The following PEX5L variants were observed in gnomAD, a reference collection of about 807,000 sequenced individuals.
PEX5L encodes the protein peroxisomal biogenesis factor 5 like.
A neutral mutation model predicts 84.0 loss-of-function variants in PEX5L; 30 were observed. That is an observed-to-expected ratio of 0.36 (90% confidence interval 0.27 to 0.48). The LOEUF is 0.48. Among genes scored for constraint, PEX5L ranks in the 20% least tolerant of loss-of-function variants. The pLI is 0.99. For synonymous variants in PEX5L, 270 were observed against 283.1 expected, an observed-to-expected ratio of 0.95 and a Z score of 0.46; for missense variants, 533 against 754.6, an observed-to-expected ratio of 0.71 and a Z score of 3.44.
chr3:179,961,130 G>C (rs551108617), intron 2 of PEX5L, among the ~76,000 whole-genome samples: 3 of 152,006 alleles, frequency 2.0e-5, no homozygotes, highest in African/African-American at 7.2e-5. Context: ...TTTCAAGAAT[G>C]AGATCATTTG....
At chr3:180,035,292 T>C (rs754907023) in intron 1 of PEX5L, among the ~76,000 whole-genome samples, 3 of 152,202 alleles carry the variant, frequency 2.0e-5, no homozygotes, top group Admixed American at 6.5e-5. Context: ...CTATGTTACT[T>C]AACTTTTCAA....
intron 4 of PEX5L, among the ~76,000 whole-genome samples, chr3:179,880,665 G>A (rs1448428882): frequency 6.6e-6 from 1 of 152,184 alleles, no homozygotes; most frequent in African/African-American, 2.4e-5. Context: ...ATCCATAGTT[G>A]ATGAATAGGT....
At chr3:180,027,619 G>A (rs1161135406) in intron 1 of PEX5L, among the ~76,000 whole-genome samples, 1 of 152,098 alleles carries the variant, frequency 6.6e-6, no homozygotes, top group Non-Finnish European at 1.5e-5. Flanking sequence ...CATAGCCACA[G>A]TATAGTCATC....
chr3:179,997,128 G>A (rs900429452), intron 1 of PEX5L, among the ~76,000 whole-genome samples: 2 of 152,140 alleles, frequency 1.3e-5, no homozygotes, highest in African/African-American at 4.8e-5. Flanking sequence ...AACAATTTAT[G>A]CTGTTAATCT....
intron 3 of PEX5L, among the ~76,000 whole-genome samples, chr3:179,894,543 T>A (rs927218899): frequency 6.6e-6 from 1 of 152,054 alleles, no homozygotes; most frequent in Non-Finnish European, 1.5e-5. Flanking sequence ...AATGAACAGA[T>A]CACAGCTTGG....
At chr3:179,955,540 T>C (rs7619212) in intron 2 of PEX5L, among the ~76,000 whole-genome samples, 105,784 of 147,430 alleles carry the variant, frequency 0.72, 38,598 homozygotes, top group East Asian at 0.89. Context: ...ATCTGGGAAG[T>C]GTTTTTCTAG....
chr3:179,866,003 C>T (rs67980618), intron 7 of PEX5L, among the ~76,000 whole-genome samples: 13,449 of 152,192 alleles, frequency 0.088, 862 homozygotes, highest in Non-Finnish European at 0.14. Context: ...CTCCTGGAAA[C>T]ATCTTGGGTT....
rs564149164 is a variant in PEX5L, at chr3:180,015,268, T to A, written c.21+21311A>T. On this transcript the variant is annotated intron_variant, in intron 1 of 14. Coordinates refer to ENST00000467460, the MANE Select transcript of PEX5L (RefSeq NM_016559.3). ...TGATGAATGTTTAAAACACATTTTT[T>A]AAATAATATTGTATACAAGGGAGTT... Among the ~76,000 whole-genome samples, 25 of 152,326 alleles carry A rather than the reference T, an allele frequency of 1.6e-4. 1 individual carries two copies. Among genetic ancestry groups the A allele is most frequent in the East Asian group, 9.6e-4 (5 of 5,186 alleles).
intron 2 of PEX5L, among the ~76,000 whole-genome samples, chr3:179,922,351 T>C (rs1001313159): frequency 1.4e-4 from 21 of 152,154 alleles, no homozygotes; most frequent in African/African-American, 4.6e-4. Flanking sequence ...CAGCAGGATG[T>C]AAGATAAACA....
chr3:179,850,303 T>C (rs1357103022), intron 8 of PEX5L, among the ~76,000 whole-genome samples: 1 of 152,058 alleles, frequency 6.6e-6, no homozygotes, highest in Non-Finnish European at 1.5e-5. Context: ...ATTTTTGTAC[T>C]TTTAGTAGAG....
chr3:179,816,036 C>T, intron 9 of PEX5L, 32 bp from the exon 10 acceptor site: 2 of 1,603,736 alleles, frequency 1.2e-6, no homozygotes, highest in Non-Finnish European at 1.7e-6. Flanking sequence ...GTGCATGAGC[C>T]ATTGATTTCT....
Position 179,800,449 on chromosome 3 carries a change from T to G in PEX5L, c.*1379A>C, listed in dbSNP as rs914103068. The G allele has an allele frequency of 6.6e-6, 1 of 152,220 alleles. No homozygotes were observed. The highest frequency in any genetic ancestry group is 2.4e-5 in the African/African-American group (1 of 41,434). The allele number at this position is 152,220 out of a possible 1,614,324, so 9.4% of individuals were successfully genotyped here. A position where few individuals can be genotyped will look rare whatever the true frequency, so the allele number is the denominator to read the frequency against. On this transcript the variant is annotated 3_prime_UTR_variant, in exon 15 of 15. Coordinates refer to ENST00000467460, the MANE Select transcript of PEX5L (RefSeq NM_016559.3). ...TGACATTGGGAAAATTATATTCTGA[T>G]TAGCATTTTGCAAAAAATGTTCCTA...
intron 7 of PEX5L, among the ~76,000 whole-genome samples, chr3:179,867,598 A>G (rs1363667652): frequency 5.3e-5 from 8 of 152,190 alleles, no homozygotes; most frequent in Admixed American, 3.9e-4. Context: ...AATTATTAAT[A>G]TTGATAGTGT....
chr3:179,838,615 G>A (rs1735885396), intron 8 of PEX5L, among the ~76,000 whole-genome samples: 1 of 152,084 alleles, frequency 6.6e-6, no homozygotes, highest in South Asian at 2.1e-4. Context: ...GCAAGACTTG[G>A]GTTTGCATCT....
At chr3:179,840,183 G>GTGTT (rs542803963) in intron 8 of PEX5L, among the ~76,000 whole-genome samples, 10 of 78,720 alleles carry the variant, frequency 1.3e-4, no homozygotes, top group African/African-American at 5.2e-4. Context: ...GTGTGTGTGT[G>GTGTT]TTTTTTTTTT....
intron 1 of PEX5L, among the ~76,000 whole-genome samples, chr3:179,980,725 G>A (rs771266242): frequency 1.3e-5 from 2 of 152,134 alleles, no homozygotes; most frequent in Non-Finnish European, 2.9e-5. Context: ...CACTGGACAT[G>A]TGACAATCAG....
chr3:179,933,870 G>C (rs979605889), intron 2 of PEX5L, among the ~76,000 whole-genome samples: 5 of 152,334 alleles, frequency 3.3e-5, no homozygotes, highest in Admixed American at 6.5e-5. Flanking sequence ...GCTGGTCTTA[G>C]GACCACCTTG....
At chr3:179,909,497 T>C (rs771781548) in intron 2 of PEX5L, among the ~76,000 whole-genome samples, 2 of 152,184 alleles carry the variant, frequency 1.3e-5, no homozygotes, top group East Asian at 3.9e-4. Flanking sequence ...AAGAGACTAA[T>C]AGGGTACAGA....
At chr3:179,941,008 A>C (rs1017359035) in intron 2 of PEX5L, among the ~76,000 whole-genome samples, 5 of 152,226 alleles carry the variant, frequency 3.3e-5, no homozygotes, top group Non-Finnish European at 5.9e-5. Context: ...AAGATGAATA[A>C]GATATAACCA....
Sources: gnomAD v4.1 joint callset for allele counts (sites outside exome capture counted in the v4.1 genomes callset) on GRCh38, gnomAD v4.1.1 for gene constraint, MANE v1.5 for transcripts, NCBI Gene and HGNC (gene_info 2026-07-23, HGNC 2026-07-21) for gene names.